Variants in CNOT4 observed in about 807,000 individuals in gnomAD.
CNOT4 encodes CCR4-NOT transcription complex subunit 4.
A neutral mutation model predicts 73.8 loss-of-function variants in CNOT4; 8 were observed. The observed-to-expected ratio is 0.11, with a 90% CI of 0.06 to 0.20. CNOT4 has a LOEUF of 0.20. CNOT4 is among the 10% of genes least tolerant of loss of function. The probability of loss-of-function intolerance (pLI) is 1.00; values close to 1 mark genes in which losing one functional copy is unlikely to be tolerated. For synonymous variants in CNOT4, 293 were observed against 321.1 expected, an observed-to-expected ratio of 0.91 and a Z score of 0.94; for missense variants, 564 against 883.4, an observed-to-expected ratio of 0.64 and a Z score of 4.58.
chr7:135,435,568 C>T (rs911944493), intron 2 of CNOT4, among the ~76,000 whole-genome samples: 14 of 152,070 alleles, frequency 9.2e-5, no homozygotes, highest in Admixed American at 2.0e-4. Flanking sequence ...CTTTCCTTTC[C>T]GAAAGGTACC....
intron 10 of CNOT4, among the ~76,000 whole-genome samples, chr7:135,365,868 C>A (rs1298456259): frequency 6.6e-6 from 1 of 152,156 alleles, no homozygotes; most frequent in Non-Finnish European, 1.5e-5. Flanking sequence ...TCCCTAACTA[C>A]ATGAGACACA....
intron 1 of CNOT4, among the ~76,000 whole-genome samples, chr7:135,458,671 C>T (rs550643690): frequency 1.2e-4 from 18 of 152,172 alleles, no homozygotes; most frequent in African/African-American, 4.1e-4. Flanking sequence ...GAGAAGGTCC[C>T]ATCTCTAAAA....
At chr7:135,410,752 T>C (rs919542400) in intron 6 of CNOT4, 104 bp from the exon 7 acceptor site, 38 of 653,542 alleles carry the variant, frequency 5.8e-5, no homozygotes, top group Non-Finnish European at 7.4e-5. Context: ...ATAAAATAAA[T>C]AATATTTTTA....
At chr7:135,504,443 G>A (rs1804203059) in intron 1 of CNOT4, among the ~76,000 whole-genome samples, 1 of 138,658 alleles carries the variant, frequency 7.2e-6, no homozygotes, top group African/African-American at 2.7e-5. Context: ...TTACAGGCAC[G>A]TGCCACCACA....
intron 1 of CNOT4, among the ~76,000 whole-genome samples, chr7:135,501,406 T>C (rs1192230992): frequency 2.6e-5 from 4 of 152,214 alleles, no homozygotes; most frequent in Admixed American, 6.5e-5. Context: ...TCCTCAGTTC[T>C]CTACTCTTCA....
chr7:135,437,129 A>T (rs1799201111), intron 2 of CNOT4, among the ~76,000 whole-genome samples: 1 of 152,246 alleles, frequency 6.6e-6, no homozygotes, highest in Admixed American at 6.5e-5. Flanking sequence ...TATCAAAACA[A>T]TAAAACCCAT....
At chr7:135,395,331 G>A (rs183798338) in intron 9 of CNOT4, among the ~76,000 whole-genome samples, 47 of 151,862 alleles carry the variant, frequency 3.1e-4, no homozygotes, top group African/African-American at 1.1e-3. Flanking sequence ...CTGGGCGAGA[G>A]ACCAAGACCC....
chr7:135,501,170 A>G (rs1803939238), intron 1 of CNOT4, among the ~76,000 whole-genome samples: 1 of 151,932 alleles, frequency 6.6e-6, no homozygotes, highest in Admixed American at 6.6e-5. Context: ...TTTTTAGTAG[A>G]GACGGGGTTT....
At chr7:135,397,146 G>T (rs1190969918) in intron 8 of CNOT4, among the ~76,000 whole-genome samples, 1 of 151,928 alleles carries the variant, frequency 6.6e-6, no homozygotes, top group Non-Finnish European at 1.5e-5. Context: ...AAACTATATT[G>T]CATTAAGATA....
At chr7:135,506,047 C>T (rs1804348319) in intron 1 of CNOT4, among the ~76,000 whole-genome samples, 1 of 152,148 alleles carries the variant, frequency 6.6e-6, no homozygotes. Context: ...AATTTGAGTA[C>T]TCTCAACTTT....
At chr7:135,436,555 C>T (rs1338429966) in intron 2 of CNOT4, among the ~76,000 whole-genome samples, 1 of 151,534 alleles carries the variant, frequency 6.6e-6, no homozygotes, top group Non-Finnish European at 1.5e-5. Flanking sequence ...AGATTTTTCC[C>T]AAAGCTAATG....
At position 135,362,782 on chromosome 7, in the gene CNOT4, C is replaced by T; in HGVS notation, c.*103G>A. ...AAAAAAATTGATCAGGTACTGGATTCTTCAGAACATAAGAGATGAGAAGGG... is the reference window on the plus strand; with the variant it reads ...AAAAAAATTGATCAGGTACTGGATTTTTCAGAACATAAGAGATGAGAAGGG... On this transcript the variant is annotated 3_prime_UTR_variant, in exon 12 of 12. Coordinates refer to ENST00000541284, the MANE Select transcript of CNOT4 (RefSeq NM_001190850.2). 1 of 1,102,220 alleles carries T rather than the reference C, an allele frequency of 9.1e-7. No individual in the cohort carries two copies. Among genetic ancestry groups the T allele is most frequent in the Middle Eastern group, 2.0e-4 (1 of 5,084 alleles). The allele number at this position is 1,102,220 out of a possible 1,614,324, so 68.3% of individuals were successfully genotyped here. A position where few individuals can be genotyped will look rare whatever the true frequency, so the allele number is the denominator to read the frequency against.
chr7:135,503,335 T>G (rs906261330), intron 1 of CNOT4, among the ~76,000 whole-genome samples: 2 of 151,838 alleles, frequency 1.3e-5, no homozygotes, highest in Non-Finnish European at 2.9e-5. Context: ...CATGGTCCTG[T>G]GCCTGTAGTC....
At chr7:135,466,882 G>A (rs922966118) in intron 1 of CNOT4, among the ~76,000 whole-genome samples, 2 of 152,194 alleles carry the variant, frequency 1.3e-5, no homozygotes, top group African/African-American at 4.8e-5. Context: ...TAGCCTAGGT[G>A]TACAGTAGGC....
intron 10 of CNOT4, among the ~76,000 whole-genome samples, chr7:135,376,520 T>C (rs1795529674): frequency 6.6e-6 from 1 of 152,218 alleles, no homozygotes; most frequent in African/African-American, 2.4e-5. Context: ...TCTTCAGGTT[T>C]ACATTCAGAT....
At chr7:135,437,958 G>A (rs940916627) in intron 2 of CNOT4, among the ~76,000 whole-genome samples, 200 bp downstream of exon 2, 10 of 152,122 alleles carry the variant, frequency 6.6e-5, no homozygotes, top group Admixed American at 5.2e-4. Context: ...AGATCATACA[G>A]CTAGTAAACA....
At chr7:135,420,462 AGTT>A (rs1798122418) in intron 3 of CNOT4, among the ~76,000 whole-genome samples, 1 of 150,948 alleles carries the variant, frequency 6.6e-6, no homozygotes. Flanking sequence ...CTGTAGACCC[AGTT>A]ACCTGGGGGG....
chr7:135,479,324 T>C (rs2129487162), intron 1 of CNOT4, among the ~76,000 whole-genome samples: 1 of 144,720 alleles, frequency 6.9e-6, no homozygotes, highest in African/African-American at 2.5e-5. Context: ...TTCTTCAGCA[T>C]CAGCCTCCCG....
chr7:135,398,346 G>A (rs1796815931), intron 7 of CNOT4, 120 bp from the exon 8 acceptor site: 2 of 621,452 alleles, frequency 3.2e-6, no homozygotes, highest in Non-Finnish European at 2.8e-6. Context: ...GTTTATTGAG[G>A]TACTGGGAAG....
Sources: gnomAD v4.1 joint callset for allele counts (sites outside exome capture counted in the v4.1 genomes callset) on GRCh38, gnomAD v4.1.1 for gene constraint, MANE v1.5 for transcripts, NCBI Gene and HGNC (gene_info 2026-07-23, HGNC 2026-07-21) for gene names.